Variants in EMB observed in about 807,000 individuals in gnomAD.
EMB encodes the protein embigin homolog.
Under a neutral mutation model 41.4 loss-of-function variants are expected in EMB, and 31 were observed. The ratio of observed to expected loss-of-function variants is 0.75; its 90% CI spans 0.56 to 1.01. EMB has a LOEUF of 1.01. EMB is among the 50% of genes least tolerant of loss of function. The pLI is 0.00. For synonymous variants in EMB, 137 were observed against 140.4 expected, an observed-to-expected ratio of 0.98 and a Z score of 0.17; for missense variants, 379 against 388.3, an observed-to-expected ratio of 0.98 and a Z score of 0.20.
intron 2 of EMB, among the ~76,000 whole-genome samples, chr5:50,425,314 C>T (rs1745591685): frequency 6.6e-6 from 1 of 152,078 alleles, no homozygotes; most frequent in African/African-American, 2.4e-5. Context: ...TCACAAGGAC[C>T]TTGTGGGAGA....
chr5:50,410,345 T>C (rs747842193), intron 4 of EMB, among the ~76,000 whole-genome samples: 3 of 152,150 alleles, frequency 2.0e-5, no homozygotes, highest in Non-Finnish European at 2.9e-5. Flanking sequence ...AATTCGTTTG[T>C]TTCCAAGCAA....
chr5:50,405,311 T>A (rs1297227975), intron 5 of EMB, among the ~76,000 whole-genome samples: 1 of 151,896 alleles, frequency 6.6e-6, no homozygotes, highest in African/African-American at 2.4e-5. Flanking sequence ...TTGCATTCTA[T>A]CACAGATGTT....
chr5:50,416,820 G>T (rs755477654), intron 2 of EMB, among the ~76,000 whole-genome samples: 1 of 152,250 alleles, frequency 6.6e-6, no homozygotes, highest in East Asian at 1.9e-4. Context: ...CACCATGACA[G>T]TTTACCATTG....
At chr5:50,425,771 C>T (rs1405127143) in intron 2 of EMB, among the ~76,000 whole-genome samples, 4 of 143,422 alleles carry the variant, frequency 2.8e-5, no homozygotes, top group African/African-American at 8.2e-5. Flanking sequence ...GCAACCTCCG[C>T]CTCCCAGGTT....
At chr5:50,426,808 CTA>C (rs1055579474) in intron 2 of EMB, among the ~76,000 whole-genome samples, 1 of 149,544 alleles carries the variant, frequency 6.7e-6, no homozygotes, top group Non-Finnish European at 1.5e-5. Context: ...AGAAGAAAGT[CTA>C]TGGTTCATAA....
intron 1 of EMB, among the ~76,000 whole-genome samples, chr5:50,432,461 TAAG>T (rs1311358856): frequency 6.6e-6 from 1 of 152,040 alleles, no homozygotes; most frequent in African/African-American, 2.4e-5. Context: ...GATTTGGAAA[TAAG>T]AATATATTTC....
chr5:50,412,257 GACAC>G lies in EMB; in HGVS notation c.197-878_197-875del, dbSNP rs59853245. ...CACACACACCACACACACACACACAGACACACACACACACACACACACACACTGA... is the reference window on the plus strand; with the variant it reads ...CACACACACCACACACACACACACAGACACACACACACACACACACACTGA... On this transcript the variant is annotated intron_variant, in intron 2 of 8. Coordinates refer to ENST00000303221, the MANE Select transcript of EMB (RefSeq NM_198449.3). 5.7e-3 allele frequency among the ~76,000 whole-genome samples: 805 copies of G among 141,642 alleles called. 7 individuals are homozygous for G. Among genetic ancestry groups the G allele is most frequent in the African/African-American group, 0.02 (719 of 35,236 alleles). 92.9% of individuals were successfully genotyped at this position (141,642 alleles called of 152,430 possible).
intron 2 of EMB, among the ~76,000 whole-genome samples, chr5:50,413,271 C>T (rs1745374197): frequency 6.6e-6 from 1 of 152,054 alleles, no homozygotes; most frequent in African/African-American, 2.4e-5. Flanking sequence ...TACAAATATA[C>T]CATAATGATG....
chr5:50,442,041 G>A (rs1334167864), upstream of EMB, among the ~76,000 whole-genome samples: 2 of 152,100 alleles, frequency 1.3e-5, no homozygotes, highest in Non-Finnish European at 2.9e-5. Context: ...CGGGAGGGGA[G>A]GAGAAATCTA....
chr5:50,403,136 T>C (rs779125879), intron 6 of EMB, 42 bp downstream of exon 6: 16 of 1,502,138 alleles, frequency 1.1e-5, no homozygotes, highest in African/African-American at 1.4e-5. Context: ...TAACTGATAA[T>C]ACTTTCTAAA....
intron 2 of EMB, among the ~76,000 whole-genome samples, chr5:50,422,395 A>G (rs1319089219): frequency 6.6e-6 from 1 of 152,240 alleles, no homozygotes; most frequent in Non-Finnish European, 1.5e-5. Context: ...GTTGCAAAGT[A>G]AAATGTACTT....
rs1246146532 is a variant in EMB, at chr5:50,438,370, G to C, written c.112+2670C>G. On this transcript the variant is annotated intron_variant, in intron 1 of 8. Coordinates refer to ENST00000303221, the MANE Select transcript of EMB (RefSeq NM_198449.3). The stretch of plus-strand genomic sequence containing the variant: ...AGAGTGAGAATTCCCCAGGAGTGCA[G>C]AGGTTCTCAGAACTGCAATACTCTG... 2.6e-5 allele frequency among the ~76,000 whole-genome samples: 4 copies of C among 152,218 alleles called. No homozygotes were observed. In the East Asian group the frequency reaches 7.7e-4, roughly 29 times the overall value.
At chr5:50,441,331 G>T (rs1313816136), upstream of EMB, 4 of 390,758 alleles carry the variant, frequency 1.0e-5, no homozygotes, top group African/African-American at 2.1e-5. Context: ...ACTCCCCCGA[G>T]ACGCTCTTAC....
At chr5:50,435,864 T>C (rs1339398614) in intron 1 of EMB, among the ~76,000 whole-genome samples, 2 of 152,098 alleles carry the variant, frequency 1.3e-5, no homozygotes, top group African/African-American at 4.8e-5. Flanking sequence ...ATTTTGATGC[T>C]CAATTTTGTC....
At chr5:50,429,233 G>C (rs1409817220) in intron 1 of EMB, among the ~76,000 whole-genome samples, 1 of 152,116 alleles carries the variant, frequency 6.6e-6, no homozygotes, top group Non-Finnish European at 1.5e-5. Flanking sequence ...TAGAGTACCA[G>C]ACCTTACCTT....
intron 2 of EMB, among the ~76,000 whole-genome samples, chr5:50,426,919 T>A (rs1445077309): frequency 1.3e-5 from 2 of 149,340 alleles, no homozygotes; most frequent in Non-Finnish European, 3.0e-5. Flanking sequence ...AAAAAAACAC[T>A]TAGGACACAA....
In EMB at chr5:50,396,679, C is replaced by A. The variant is rs1316138150; in HGVS notation, c.*2594G>T. Reference sequence around the variant, plus strand: ...AATATTAAGAAATGGCAAAGGTGAGCCTACAGAGATTCCAAAGTTGCATAG... The same window carrying A: ...AATATTAAGAAATGGCAAAGGTGAGACTACAGAGATTCCAAAGTTGCATAG... On this transcript the variant is annotated 3_prime_UTR_variant, in exon 9 of 9. Coordinates refer to ENST00000303221, the MANE Select transcript of EMB (RefSeq NM_198449.3). 6.6e-6 allele frequency: 1 copy of A among 152,028 alleles called. No homozygotes were observed. The highest frequency in any genetic ancestry group is 1.5e-5 in the Non-Finnish European group (1 of 68,006). The allele number at this position is 152,028 out of a possible 1,614,324, so 9.4% of individuals were successfully genotyped here. A position where few individuals can be genotyped will look rare whatever the true frequency, so the allele number is the denominator to read the frequency against.
At chr5:50,441,003 T>A in intron 1 of EMB, 37 bp downstream of exon 1, 1 of 1,284,258 alleles carries the variant, frequency 7.8e-7, no homozygotes, top group Non-Finnish European at 1.0e-6. Flanking sequence ...TCGCGCGCCC[T>A]CCGCCCTCCC....
intron 3 of EMB, 73 bp from the exon 4 acceptor site, chr5:50,411,038 T>A: frequency 8.0e-7 from 1 of 1,252,386 alleles, no homozygotes; most frequent in Non-Finnish European, 1.1e-6. Flanking sequence ...ACTTAGCCAT[T>A]AATAAAAATT....
Sources: gnomAD v4.1 joint callset for allele counts (sites outside exome capture counted in the v4.1 genomes callset) on GRCh38, gnomAD v4.1.1 for gene constraint, MANE v1.5 for transcripts, NCBI Gene and HGNC (gene_info 2026-07-23, HGNC 2026-07-21) for gene names.